UBE2U: variants seen among roughly 807,000 people sequenced by gnomAD.
UBE2U encodes the protein ubiquitin conjugating enzyme E2 U, also known as ubiquitin-conjugating enzyme E2 U.
A neutral mutation model predicts 41.2 loss-of-function variants in UBE2U; 39 were observed. The ratio of observed to expected loss-of-function variants is 0.95; its 90% confidence interval spans 0.73 to 1.24. UBE2U has a LOEUF of 1.24. Ranked by LOEUF, UBE2U falls within the 50% of genes most tolerant of loss-of-function variation. The pLI is 0.00. For synonymous variants in UBE2U, 107 were observed against 117.8 expected (o/e 0.91, Z 0.60); for missense variants, 336 against 363.1 (o/e 0.93, Z 0.61).
In UBE2U at chr1:64,210,768, A is replaced by G. The variant is rs1237186851; in HGVS notation, c.268A>G (p.Ile90Val). ...AGACCCACACACTGGTCAGCCCTGT[A>G]TAGACTTTTTGGACAACCCTGAGAA... ...NVDPHTGQPC[I>V]DFLDNPEKWN... The change falls in exon 4 of 10, where the codon ATA (isoleucine) becomes GTA (valine). Residue 90 changes from isoleucine to valine, a missense_variant. Transcript: ENST00000371077. The G allele has an allele frequency of 3.1e-6, 5 of 1,603,958 alleles. No individual in the cohort carries two copies. Among genetic ancestry groups the G allele is most frequent in the Middle Eastern group, 3.3e-4 (2 of 5,978 alleles).
rs17357296 is a variant in UBE2U, at chr1:64,232,392, G to A, written c.507-169G>A. Among the ~76,000 whole-genome samples, 25,552 of 151,854 alleles carry A rather than the reference G, an allele frequency of 0.17. 2,777 individuals are homozygous for A. The highest frequency in any genetic ancestry group is 0.24 in the Non-Finnish European group (16,288 of 67,940). On this transcript the variant is annotated intron_variant, in intron 6 of 9. Coordinates refer to ENST00000371077, the MANE Select transcript of UBE2U (RefSeq NM_001366232.2). ...TTTTTCGTTATTTGTATTCATTATT[G>A]GTGGAATCAGTATATTGGATACAAT...
At chr1:64,212,360 T>C (rs1470071919) in intron 4 of UBE2U, among the ~76,000 whole-genome samples, 1 of 152,204 alleles carries the variant, frequency 6.6e-6, no homozygotes, top group Non-Finnish European at 1.5e-5. Context: ...TGCAGAATAA[T>C]TTGATAAAAG....
At chr1:64,220,061 GATCTTTGACTATC>G in intron 5 of UBE2U, among the ~76,000 whole-genome samples, 1 of 152,280 alleles carries the variant, frequency 6.6e-6, no homozygotes, top group Non-Finnish European at 1.5e-5. Flanking sequence ...AATGTCTAGT[GATCTTTGACTATC>G]CATTCTTATG....
intron 6 of UBE2U, among the ~76,000 whole-genome samples, chr1:64,223,121 A>G (rs1403655622): frequency 2.0e-5 from 3 of 152,218 alleles, no homozygotes; most frequent in Non-Finnish European, 4.4e-5. Context: ...GAATGAATTC[A>G]CTGAGCATAT....
At chr1:64,235,583 CT>C (rs1644650190) in intron 7 of UBE2U, among the ~76,000 whole-genome samples, 1 of 152,088 alleles carries the variant, frequency 6.6e-6, no homozygotes, top group Non-Finnish European at 1.5e-5. Flanking sequence ...CTTCTAATAA[CT>C]TCATTTTCTA....
intron 8 of UBE2U, among the ~76,000 whole-genome samples, chr1:64,254,345 TATC>T (rs1469089166): frequency 1.3e-5 from 2 of 152,144 alleles, no homozygotes; most frequent in African/African-American, 4.8e-5. Context: ...ATATTAGACA[TATC>T]ATCAAGACAG....
At chr1:64,205,150 C>T (rs1651214785) in intron 1 of UBE2U, among the ~76,000 whole-genome samples, 1 of 152,118 alleles carries the variant, frequency 6.6e-6, no homozygotes, top group Non-Finnish European at 1.5e-5. Context: ...ATTCTTGTCC[C>T]TCCATTGGAA....
rs1465268211 is a variant in UBE2U at position 64,203,982 on chromosome 1, C to T, written c.-69C>T. Reference sequence around the variant, plus strand: ...CTAAGTGTGGGAAAGTGACCCATAACTTCAAACATCTGCCTCAGAGTAAAC... The same window carrying T: ...CTAAGTGTGGGAAAGTGACCCATAATTTCAAACATCTGCCTCAGAGTAAAC... On this transcript the variant is annotated 5_prime_UTR_variant, in exon 1 of 10. Coordinates refer to ENST00000371077, the MANE Select transcript of UBE2U (RefSeq NM_001366232.2). 6 of 1,472,118 alleles carry T rather than the reference C, an allele frequency of 4.1e-6. No individual in the cohort carries two copies. Among genetic ancestry groups the T allele is most frequent in the Admixed American group, 1.8e-5 (1 of 54,758 alleles). 91.2% of individuals were successfully genotyped at this position (1,472,118 alleles called of 1,614,324 possible). A position where few individuals can be genotyped will look rare whatever the true frequency, so the allele number is the denominator to read the frequency against.
chr1:64,230,912 T>C (rs1009495922), intron 6 of UBE2U, among the ~76,000 whole-genome samples: 6 of 152,208 alleles, frequency 3.9e-5, no homozygotes, highest in Non-Finnish European at 7.3e-5. Context: ...ATTCCCATCA[T>C]TGGTTGAAAC....
Position 64,239,157 on chromosome 1 carries a change from A to AAAAGAAGAAGAAGAAGAAGAAGAAGAAG in UBE2U, c.596-2493_596-2492insAGAAGAAGAAGAAGAAGAAGAAGAAGAA, listed in dbSNP as rs1644770889. 2.8e-3 allele frequency among the ~76,000 whole-genome samples: 104 copies of AAAAGAAGAAGAAGAAGAAGAAGAAGAAG among 37,068 alleles called. 2 individuals carry two copies. The highest frequency in any genetic ancestry group is 6.3e-3 in the Admixed American group (20 of 3,164). 24.3% of individuals were successfully genotyped at this position (37,068 alleles called of 152,430 possible). A position where few individuals can be genotyped will look rare whatever the true frequency, so the allele number is the denominator to read the frequency against. On this transcript the variant is annotated intron_variant, in intron 7 of 9. Coordinates refer to ENST00000371077, the MANE Select transcript of UBE2U (RefSeq NM_001366232.2). ...GAAGAAGAAGAAGAAGAAGAAGAAGAAAGAAGAAGAAGAAGAAGAAGAAGA... is the reference window on the plus strand; with the variant it reads ...GAAGAAGAAGAAGAAGAAGAAGAAGAAAAGAAGAAGAAGAAGAAGAAGAAGAAGAAGAAGAAGAAGAAGAAGAAGAAGA...
chr1:64,253,045 A>C (rs1645036398), intron 8 of UBE2U, among the ~76,000 whole-genome samples: 1 of 152,208 alleles, frequency 6.6e-6, no homozygotes, highest in South Asian at 2.1e-4. Flanking sequence ...GATAACCAGA[A>C]TATCCAGTTT....
intron 3 of UBE2U, among the ~76,000 whole-genome samples, 200 bp downstream of exon 3, chr1:64,207,056 C>T (rs1248114991): frequency 6.6e-6 from 1 of 152,114 alleles, no homozygotes. Flanking sequence ...CAACATTTTG[C>T]CAAATTTATT....
At chr1:64,214,425 C>G (rs553712334) in intron 4 of UBE2U, among the ~76,000 whole-genome samples, 6 of 152,240 alleles carry the variant, frequency 3.9e-5, no homozygotes, top group African/African-American at 1.2e-4. Flanking sequence ...GATACATTTT[C>G]AATTATCACA....
At chr1:64,226,741 A>T (rs1652899489) in intron 6 of UBE2U, among the ~76,000 whole-genome samples, 2 of 87,120 alleles carry the variant, frequency 2.3e-5, no homozygotes, top group South Asian at 6.9e-4. Context: ...TAAAACTTAA[A>T]AAAAAAAAAA....
intron 6 of UBE2U, among the ~76,000 whole-genome samples, chr1:64,229,738 C>T (rs889365064): frequency 1.3e-5 from 2 of 152,226 alleles, no homozygotes; most frequent in African/African-American, 4.8e-5. Flanking sequence ...TCTTCTTCCC[C>T]TAATGAACCT....
At chr1:64,237,555 G>A (rs1005397683) in intron 7 of UBE2U, among the ~76,000 whole-genome samples, 13 of 151,976 alleles carry the variant, frequency 8.6e-5, no homozygotes, top group East Asian at 1.9e-4. Flanking sequence ...GTTTCTCTCC[G>A]ATCAGTGTCA....
chr1:64,246,260 T>A (rs1644918886), intron 8 of UBE2U, among the ~76,000 whole-genome samples: 1 of 152,158 alleles, frequency 6.6e-6, no homozygotes, highest in Non-Finnish European at 1.5e-5. Context: ...CTAATACATA[T>A]TTTTTCTACA....
At chr1:64,244,128 A>G in intron 8 of UBE2U, 1 of 1,607,778 alleles carries the variant, frequency 6.2e-7, no homozygotes, top group Non-Finnish European at 8.5e-7. Context: ...TTCAATTTGC[A>G]GATGAAAAAT....
intron 6 of UBE2U, among the ~76,000 whole-genome samples, chr1:64,228,923 C>T (rs1168542316): frequency 1.4e-5 from 2 of 143,948 alleles, no homozygotes; most frequent in African/African-American, 2.6e-5. Flanking sequence ...TGTAGTGGCG[C>T]GATCTCAGCT....
Sources: gnomAD v4.1 joint callset for allele counts (sites outside exome capture counted in the v4.1 genomes callset) on GRCh38, gnomAD v4.1.1 for gene constraint, MANE v1.5 for transcripts, NCBI Gene and HGNC (gene_info 2026-07-23, HGNC 2026-07-21) for gene names.